Variants in ABCD2 observed in about 807,000 individuals in gnomAD.
ABCD2 encodes ATP binding cassette subfamily D member 2.
A neutral mutation model predicts 70.9 loss-of-function variants in ABCD2; 36 were observed. The observed-to-expected ratio is 0.51, with a 90% CI of 0.39 to 0.67. The LOEUF (loss-of-function observed/expected upper bound fraction) is 0.67. Ranked by LOEUF, ABCD2 falls within the 30% of genes least tolerant of loss-of-function variation. The probability of loss-of-function intolerance (pLI) is 0.00; values close to 1 mark genes in which losing one functional copy is unlikely to be tolerated. For synonymous variants in ABCD2, 304 were observed against 306.9 expected, an observed-to-expected ratio of 0.99 and a Z score of 0.10; for missense variants, 729 against 890.2, an observed-to-expected ratio of 0.82 and a Z score of 2.30.
chr12:39,589,720 G>A (rs1298037646), intron 6 of ABCD2, among the ~76,000 whole-genome samples: 1 of 152,004 alleles, frequency 6.6e-6, no homozygotes, highest in Non-Finnish European at 1.5e-5. Flanking sequence ...ATGATGTAAC[G>A]ATGTATAAAA....
chr12:39,538,709 G>A, the ABCD2 span, among the ~76,000 whole-genome samples: 2 of 152,064 alleles, frequency 1.3e-5, no homozygotes, highest in Admixed American at 6.5e-5. Context: ...TCCTCCCTTC[G>A]CAGACCCAGT....
At chr12:39,557,838 G>A (rs993760513) in intron 9 of ABCD2, among the ~76,000 whole-genome samples, 2 of 152,238 alleles carry the variant, frequency 1.3e-5, no homozygotes, top group East Asian at 1.9e-4. Flanking sequence ...TTCAGAGGAT[G>A]TATGGAAACA....
Position 39,619,717 on chromosome 12 carries a change from T to C in ABCD2, c.-102A>G, listed in dbSNP as rs978254358. 5 of 1,022,666 alleles carry C rather than the reference T, an allele frequency of 4.9e-6. No homozygotes were observed. Among genetic ancestry groups the C allele is most frequent in the African/African-American group, 4.9e-5 (3 of 61,696 alleles). 63.3% of individuals were successfully genotyped at this position (1,022,666 alleles called of 1,614,324 possible). On this transcript the variant is annotated 5_prime_UTR_variant, in exon 1 of 10. An upstream start codon of the reference 5' UTR is lost. Coordinates refer to ENST00000308666, the MANE Select transcript of ABCD2 (RefSeq NM_005164.4). ...TTTTAGAAAGTCCTACAGCGTCCCA[T>C]AGTCTGCAGCGTTTCTCTTCCACTG...
chr12:39,617,166 T>C lies in ABCD2; in HGVS notation c.942A>G (p.Val314=), dbSNP rs764330970. ...EEIAFYRGHK[V]EMKQLQKSYK... ...AACTTTTCTGAAGTTGTTTCATTTC[T>C]ACCTATAGAGAGGAAAAAGAGTTGA... The change falls in exon 2 of 10, where the codon GTA becomes GTG. Residue 314 remains valine (V), a splice_region_variant and synonymous_variant. Transcript: ENST00000308666. 2 of 1,582,492 alleles carry C rather than the reference T, an allele frequency of 1.3e-6. No homozygotes were observed. The highest frequency in any genetic ancestry group is 1.7e-6 in the Non-Finnish European group (2 of 1,167,222).
At chr12:39,602,517 T>C (rs1433609574) in intron 5 of ABCD2, among the ~76,000 whole-genome samples, 1 of 152,138 alleles carries the variant, frequency 6.6e-6, no homozygotes, top group Non-Finnish European at 1.5e-5. Flanking sequence ...TAGAAACTTA[T>C]TTTTCAATCT....
At chr12:39,538,624 A>G in the ABCD2 span, among the ~76,000 whole-genome samples, 12 of 151,992 alleles carry the variant, frequency 7.9e-5, no homozygotes, top group African/African-American at 2.9e-4. Context: ...CCATTAAAAC[A>G]TGAAGTTAGA....
At chr12:39,590,865 C>G (rs1035163789) in intron 6 of ABCD2, among the ~76,000 whole-genome samples, 1 of 151,646 alleles carries the variant, frequency 6.6e-6, no homozygotes, top group African/African-American at 2.4e-5. Context: ...TTAGCTGTAT[C>G]TATGTGCTTG....
At position 39,617,021 on chromosome 12, in the gene ABCD2, G is replaced by T; in HGVS notation, c.1087C>A (p.Pro363Thr). Residue 363 changes from proline (P) to threonine (T), a missense_variant, in exon 2 of 10, where the codon CCT becomes ACT. Pro to Thr is a conservative substitution (Grantham distance 38, BLOSUM62 -1). Transcript: ENST00000308666. ...GCAAAGCCAGTTGCAGTGATAATAGGTATAGCCACCATAATTAGTCCACTG... is the reference window on the plus strand; with the variant it reads ...GCAAAGCCAGTTGCAGTGATAATAGTTATAGCCACCATAATTAGTCCACTG... ...SSSGLIMVAIPIITATGFADG... is the reference protein window; with the variant it reads ...SSSGLIMVAITIITATGFADG... The T allele has an allele frequency of 6.2e-7, 1 of 1,609,754 alleles. No homozygotes were observed. Among genetic ancestry groups the T allele is most frequent in the African/African-American group, 1.3e-5 (1 of 74,846 alleles).
chr12:39,591,268 A>G (rs541988457), intron 6 of ABCD2, among the ~76,000 whole-genome samples: 6 of 152,210 alleles, frequency 3.9e-5, no homozygotes, highest in Non-Finnish European at 8.8e-5. Context: ...TATTCTTAAA[A>G]AATGTGTGAT....
At chr12:39,579,466 G>A (rs1211620471) in intron 8 of ABCD2, 69 bp downstream of exon 8, 4 of 1,100,160 alleles carry the variant, frequency 3.6e-6, no homozygotes, top group Admixed American at 1.9e-5. Context: ...CCAAACTTTT[G>A]TTGTTCCTAT....
intron 9 of ABCD2, among the ~76,000 whole-genome samples, chr12:39,558,155 G>A (rs1031613773): frequency 1.3e-5 from 2 of 152,246 alleles, no homozygotes; most frequent in African/African-American, 4.8e-5. Flanking sequence ...GCACCTGGAT[G>A]TGAGATATGG....
Position 39,604,881 on chromosome 12 carries a change from A to G in ABCD2, c.1286T>C (p.Val429Ala). 6.2e-7 allele frequency: 1 copy of G among 1,612,356 alleles called. No individual in the cohort carries two copies. The highest frequency in any genetic ancestry group is 8.5e-7 in the Non-Finnish European group (1 of 1,179,200). ...YTARVYNMFW[V>A]FDEVKRGIYK... ...AATGCCTCTTTTTACTTCATCAAAGACCCAAAACATATTGTACACTCGAGC... is the reference window on the plus strand; with the variant it reads ...AATGCCTCTTTTTACTTCATCAAAGGCCCAAAACATATTGTACACTCGAGC... Residue 429 changes from valine (V) to alanine (A), a missense_variant, in exon 4 of 10, where the codon GTC (valine) becomes GCC (alanine). Around this residue, in one of 3 missense-constraint regions of ABCD2, gnomAD observed 195 missense variants for 300.2 expected, o/e 0.65. Transcript: ENST00000308666.
At chr12:39,541,305 G>T in the ABCD2 span, among the ~76,000 whole-genome samples, 1 of 152,190 alleles carries the variant, frequency 6.6e-6, no homozygotes, top group African/African-American at 2.4e-5. Context: ...GGAAAAGAGA[G>T]TTTAAGAAAG....
chr12:39,613,774 T>C (rs960451136), intron 2 of ABCD2, among the ~76,000 whole-genome samples: 14 of 152,350 alleles, frequency 9.2e-5, no homozygotes, highest in Non-Finnish European at 1.6e-4. Flanking sequence ...TTTAAGCTCC[T>C]CTTTTGATGT....
intron 9 of ABCD2, among the ~76,000 whole-genome samples, chr12:39,568,780 G>C (rs924621795): frequency 2.0e-5 from 3 of 152,250 alleles, no homozygotes; most frequent in Middle Eastern, 3.4e-3. Context: ...GGTCTTTGAT[G>C]ATGGTGATTT....
the ABCD2 span, among the ~76,000 whole-genome samples, chr12:39,534,724 A>AAGGG: frequency 6.9e-6 from 1 of 144,092 alleles, no homozygotes; most frequent in Non-Finnish European, 1.5e-5. Context: ...GGAAGGAAGG[A>AAGGG]AGGAAAAGAA....
At chr12:39,615,106 C>T (rs1472738046) in intron 2 of ABCD2, among the ~76,000 whole-genome samples, 3 of 151,144 alleles carry the variant, frequency 2.0e-5, no homozygotes, top group Non-Finnish European at 3.0e-5. Context: ...TTGTTAGATT[C>T]TTTGTATACA....
chr12:39,619,253 A>C lies in ABCD2; in HGVS notation c.363T>G (p.Ser121=). ...TTCCATCCAGACCAGCCACATAGATAGAAAGAAAGGTTCTTGAGATTAGAG... is the reference window on the plus strand; with the variant it reads ...TTCCATCCAGACCAGCCACATAGATCGAAAGAAAGGTTCTTGAGATTAGAG... ...SVALISRTFL[S]IYVAGLDGKI... is the part of the protein sequence containing the mutation. The change falls in exon 1 of 10, where the codon TCT becomes TCG. Residue 121 remains serine (S), a synonymous_variant. Transcript: ENST00000308666. The C allele has an allele frequency of 6.2e-7, 1 of 1,614,192 alleles. No individual in the cohort carries two copies. The highest frequency in any genetic ancestry group is 8.5e-7 in the Non-Finnish European group (1 of 1,180,026).
intron 9 of ABCD2, among the ~76,000 whole-genome samples, chr12:39,564,721 T>A (rs1427252217): frequency 2.0e-5 from 3 of 152,154 alleles, no homozygotes; most frequent in Admixed American, 1.3e-4. Flanking sequence ...ATGTCCTGAA[T>A]GGTATTGCCT....
Sources: gnomAD v4.1 joint callset for allele counts (sites outside exome capture counted in the v4.1 genomes callset) on GRCh38, gnomAD v4.1.1 for gene constraint, gnomAD v4.1.1 regional missense constraint, MANE v1.5 for transcripts, NCBI Gene and HGNC (gene_info 2026-07-23, HGNC 2026-07-21) for gene names.